The following PSD3 variants were observed in gnomAD, a reference collection of about 807,000 sequenced individuals.
PSD3 encodes PH and SEC7 domain-containing protein 3.
PSD3 carries 49 observed loss-of-function variants against 105.5 expected under a neutral mutation model. The observed-to-expected ratio is 0.46, with a 90% CI of 0.37 to 0.59. The LOEUF is 0.59. Among genes scored for constraint, PSD3 ranks in the 20% least tolerant of loss-of-function variants. The probability of loss-of-function intolerance (pLI) is 0.00; values close to 1 mark genes in which losing one functional copy is unlikely to be tolerated. For synonymous variants in PSD3, 557 were observed against 457.8 expected (o/e 1.22, Z -2.77); for missense variants, 1,561 against 1,263.8 (o/e 1.24, Z -3.57).
intron 2 of PSD3, among the ~76,000 whole-genome samples, chr8:18,897,398 C>T (rs1234719670): frequency 6.6e-6 from 1 of 152,032 alleles, no homozygotes; most frequent in Non-Finnish European, 1.5e-5. Context: ...CAGTACTATG[C>T]TATTTGGTTA....
At chr8:19,041,359 T>C (rs571164373) in intron 1 of PSD3, among the ~76,000 whole-genome samples, 25 of 152,348 alleles carry the variant, frequency 1.6e-4, no homozygotes, top group Non-Finnish European at 2.8e-4. Context: ...GGGAATGTTG[T>C]ACGATACTCA....
intron 2 of PSD3, among the ~76,000 whole-genome samples, chr8:18,897,027 G>A (rs184640546): frequency 2.0e-5 from 3 of 151,860 alleles, no homozygotes; most frequent in East Asian, 2.0e-4. Flanking sequence ...GGCTGGTCTC[G>A]AACTCCTGAC....
intron 9 of PSD3, among the ~76,000 whole-genome samples, chr8:18,697,070 CTCTT>C (rs1008459312): frequency 4.6e-5 from 7 of 151,560 alleles, no homozygotes; most frequent in African/African-American, 1.5e-4. Context: ...TAGTAAGACT[CTCTT>C]TCTATTTTAT....
intron 3 of PSD3, among the ~76,000 whole-genome samples, chr8:18,870,915 A>G (rs1244618862): frequency 1.3e-5 from 2 of 152,074 alleles, no homozygotes; most frequent in Non-Finnish European, 2.9e-5. Flanking sequence ...CCTGGGCAAC[A>G]AAGTGGGACC....
intron 13 of PSD3, among the ~76,000 whole-genome samples, chr8:18,574,734 C>T (rs2717753): frequency 0.94 from 142,973 of 152,244 alleles, 67,233 homozygotes; most frequent in Admixed American, 0.96. Flanking sequence ...CGTTATCCCC[C>T]ACACTAGTGA....
chr8:18,943,304 TA>T (rs1448108962), intron 1 of PSD3, among the ~76,000 whole-genome samples: 2 of 152,144 alleles, frequency 1.3e-5, no homozygotes, highest in East Asian at 1.9e-4. Flanking sequence ...GAAAAAGTTT[TA>T]AAAAATCACT....
intron 4 of PSD3, among the ~76,000 whole-genome samples, chr8:18,806,004 A>G (rs879153290): frequency 6.6e-6 from 1 of 152,252 alleles, no homozygotes; most frequent in South Asian, 2.1e-4. Context: ...AACTTAAATG[A>G]CAGACGAATG....
rs547713210 is a variant in PSD3 at position 18,555,212 on chromosome 8, G to C, written c.2928+997C>G. ...GAGGAGAAAGCCAGGGCTCAGCAGA[G>C]GAAGTAGTTATAAAGCAATACAAGG... On this transcript the variant is annotated intron_variant, in intron 15 of 15. Transcript: ENST00000327040. 3.1e-4 allele frequency among the ~76,000 whole-genome samples: 47 copies of C among 152,174 alleles called. No homozygotes were observed. In the East Asian group the frequency reaches 3.3e-3, roughly 11 times the overall value.
intron 9 of PSD3, among the ~76,000 whole-genome samples, chr8:18,742,065 G>A (rs1221386965): frequency 1.3e-5 from 2 of 152,086 alleles, no homozygotes; most frequent in Non-Finnish European, 2.9e-5. Context: ...TTTATCCTTG[G>A]AAAGCTTTGG....
intron 2 of PSD3, chr8:18,924,950 C>G (rs774930520): frequency 2.6e-5 from 4 of 152,032 alleles, no homozygotes; most frequent in Non-Finnish European, 4.4e-5. Context: ...GAAGTACAAG[C>G]AACAAAATAA....
rs144355283 is a variant in PSD3, at chr8:19,058,856, C to T, written c.324+25350G>A. On this transcript the variant is annotated intron_variant, in intron 1 of 1. Transcript: ENST00000521475. ...AGGAAGTGAGGATGTTGTCATTGTT[C>T]TCCATGGCTTTGGAAATCAAGGCAA... 7.4e-3 allele frequency among the ~76,000 whole-genome samples: 1,125 copies of T among 152,284 alleles called. 5 individuals are homozygous for T. Among genetic ancestry groups the T allele is most frequent in the Non-Finnish European group, 0.013 (862 of 68,026 alleles).
intron 2 of PSD3, 138 bp from the exon 3 acceptor site, chr8:18,872,871 C>T (rs1201553968): frequency 5.0e-6 from 4 of 798,628 alleles, no homozygotes; most frequent in African/African-American, 1.7e-5. Context: ...CCTCCCACCA[C>T]CCTGTAACAC....
intron 9 of PSD3, among the ~76,000 whole-genome samples, chr8:18,731,884 T>G (rs1036614331): frequency 6.6e-6 from 1 of 152,204 alleles, no homozygotes; most frequent in African/African-American, 2.4e-5. Flanking sequence ...TAGATCCTTC[T>G]GCTTTGTTTT....
At chr8:18,536,744 G>A (rs1799866134) in intron 15 of PSD3, among the ~76,000 whole-genome samples, 1 of 150,862 alleles carries the variant, frequency 6.6e-6, no homozygotes, top group Non-Finnish European at 1.5e-5. Context: ...CTTTTTCCAT[G>A]GCTCTGGCAC....
chr8:18,821,880 AC>A, intron 4 of PSD3, among the ~76,000 whole-genome samples: 2 of 149,108 alleles, frequency 1.3e-5, no homozygotes, highest in Admixed American at 1.3e-4. Flanking sequence ...CACCACACAC[AC>A]ACACACACAC....
In PSD3 at chr8:18,651,381, G is replaced by A. The variant is rs572437974; in HGVS notation, c.2216+4261C>T. On this transcript the variant is annotated intron_variant, in intron 10 of 15. Transcript: ENST00000327040. Reference sequence around the variant, plus strand: ...ACATCCACATCAAGATGCCTCCTGCGCAAGTCTTCCATGCATTATCCTACA... The same window carrying A: ...ACATCCACATCAAGATGCCTCCTGCACAAGTCTTCCATGCATTATCCTACA... 5.9e-5 allele frequency among the ~76,000 whole-genome samples: 9 copies of A among 152,288 alleles called. No individual in the cohort carries two copies. The South Asian group carries it at 1.0e-3, about 18-fold the overall frequency.
intron 1 of PSD3, among the ~76,000 whole-genome samples, chr8:18,957,537 C>T (rs35313683): frequency 0.46 from 59,812 of 129,644 alleles, 11,960 homozygotes; most frequent in Non-Finnish European, 0.47. Flanking sequence ...CCTCCAGTCA[C>T]TAGCATTGGA....
chr8:18,592,869 G>C (rs1432266223), intron 12 of PSD3, among the ~76,000 whole-genome samples: 1 of 152,124 alleles, frequency 6.6e-6, no homozygotes, highest in Non-Finnish European at 1.5e-5. Flanking sequence ...ACAAGAAATG[G>C]GGAAAGGATT....
At chr8:18,631,364 T>A (rs771509582) in intron 11 of PSD3, among the ~76,000 whole-genome samples, 71 of 152,090 alleles carry the variant, frequency 4.7e-4, no homozygotes, top group Non-Finnish European at 7.8e-4. Flanking sequence ...TATTCCATCC[T>A]CTCAGTGATA....
Sources: allele counts gnomAD v4.1 joint callset (sites outside exome capture counted in the v4.1 genomes callset), GRCh38; gene constraint gnomAD v4.1.1; transcripts MANE v1.5; gene names NCBI Gene and HGNC (gene_info 2026-07-23, HGNC 2026-07-21).